Variants in CDH13 observed in about 807,000 individuals in gnomAD.
CDH13 encodes cadherin 13.
A neutral mutation model predicts 63.8 loss-of-function variants in CDH13; 24 were observed. The observed-to-expected ratio is 0.38, with a 90% CI of 0.27 to 0.53. The LOEUF is 0.53. Among genes scored for constraint, CDH13 ranks in the 20% least tolerant of loss-of-function variants. The pLI is 0.85. For missense variants in CDH13, 1,049 were observed against 903.1 expected (o/e 1.16, Z -2.07); for synonymous variants, 503 against 355.3 (o/e 1.42, Z -4.67).
chr16:82,873,506 A>G (rs891191049), intron 2 of CDH13, among the ~76,000 whole-genome samples: 2 of 152,130 alleles, frequency 1.3e-5, no homozygotes, highest in Admixed American at 6.5e-5. Context: ...GTTTCACAGG[A>G]CAGTGGTGTG....
Position 83,783,254 on chromosome 16 carries a change from A to C in CDH13, c.1916A>C (p.Asn639Thr). 2 of 1,611,698 alleles carry C rather than the reference A, an allele frequency of 1.2e-6. No individual in the cohort carries two copies. The highest frequency in any genetic ancestry group is 4.5e-5 in the East Asian group (2 of 44,874). ...DKVWKISKIN[N>T]THALVSLLQN... Reference sequence around the variant, plus strand: ...ACCAGAACCCTCCTTGCCTTTACAGATACACACGCCCTGGTAAGCCTTCTT... The same window carrying C: ...ACCAGAACCCTCCTTGCCTTTACAGCTACACACGCCCTGGTAAGCCTTCTT... Residue 639 changes from asparagine to threonine, a missense_variant and splice_region_variant, in exon 13 of 14, where the codon AAT (asparagine) becomes ACT (threonine). Coordinates refer to ENST00000567109, the MANE Select transcript of CDH13 (RefSeq NM_001257.5).
chr16:82,940,725 G>T (rs980679489), intron 2 of CDH13, among the ~76,000 whole-genome samples: 1 of 152,090 alleles, frequency 6.6e-6, no homozygotes, highest in Non-Finnish European at 1.5e-5. Flanking sequence ...GTGCTGTGTT[G>T]GCAGGCACAT....
At chr16:83,365,017 C>T (rs2091232010) in intron 6 of CDH13, among the ~76,000 whole-genome samples, 2 of 152,212 alleles carry the variant, frequency 1.3e-5, no homozygotes, top group African/African-American at 4.8e-5. Context: ...CACCATGGCA[C>T]AGGTGTACCT....
intron 11 of CDH13, among the ~76,000 whole-genome samples, chr16:83,774,694 A>T (rs903669110): frequency 2.6e-5 from 4 of 152,208 alleles, no homozygotes; most frequent in Admixed American, 2.0e-4. Flanking sequence ...TTGTGAAAAA[A>T]AAATAAAAAA....
chr16:82,803,038 G>A (rs1204282542), intron 1 of CDH13, among the ~76,000 whole-genome samples: 1 of 152,164 alleles, frequency 6.6e-6, no homozygotes, highest in African/African-American at 2.4e-5. Flanking sequence ...CTATTCTATA[G>A]TAGAAACAGT....
chr16:83,309,497 C>G (rs983074446), intron 5 of CDH13, among the ~76,000 whole-genome samples: 1 of 152,196 alleles, frequency 6.6e-6, no homozygotes, highest in African/African-American at 2.4e-5. Flanking sequence ...CTGCCTCAGC[C>G]TCCTGAGGAG....
chr16:83,195,511 G>C (rs1035437988), intron 4 of CDH13, among the ~76,000 whole-genome samples: 4 of 152,046 alleles, frequency 2.6e-5, no homozygotes, highest in African/African-American at 9.7e-5. Flanking sequence ...AGAGATGGGG[G>C]AGGTGCTATA....
intron 7 of CDH13, among the ~76,000 whole-genome samples, chr16:83,531,446 T>C (rs1332499821): frequency 1.3e-5 from 2 of 152,194 alleles, no homozygotes; most frequent in Non-Finnish European, 2.9e-5. Context: ...CTGGTGTGAT[T>C]AAGTCAAGGA....
chr16:83,426,448 G>A (rs2071897723), intron 6 of CDH13, among the ~76,000 whole-genome samples: 1 of 151,096 alleles, frequency 6.6e-6, no homozygotes, highest in African/African-American at 2.4e-5. Flanking sequence ...TCTCCTCCTG[G>A]ACCATAACCT....
At chr16:83,100,885 A>G (rs1035825555) in intron 3 of CDH13, among the ~76,000 whole-genome samples, 14 of 152,226 alleles carry the variant, frequency 9.2e-5, no homozygotes, top group Non-Finnish European at 1.6e-4. Flanking sequence ...CTTTACCACC[A>G]TAAATGGAGG....
chr16:82,640,568 C>A (rs911880273), intron 1 of CDH13, among the ~76,000 whole-genome samples: 1 of 152,124 alleles, frequency 6.6e-6, no homozygotes, highest in African/African-American at 2.4e-5. Flanking sequence ...TTTACAAACA[C>A]AAGCAGAGCT....
Position 83,683,772 on chromosome 16 carries a change from G to T in CDH13, c.1538+5311G>T, listed in dbSNP as rs531981312. Among the ~76,000 whole-genome samples the T allele has an allele frequency of 5.3e-5, 8 of 152,286 alleles. No homozygotes were observed. In the East Asian group the frequency reaches 1.3e-3, roughly 26 times the overall value. ...TTGAGCAAAAGTATTACTGTGTATTGTTAATGTTTTTTGGCATATACAGAA... is the reference window on the plus strand; with the variant it reads ...TTGAGCAAAAGTATTACTGTGTATTTTTAATGTTTTTTGGCATATACAGAA... On this transcript the variant is annotated intron_variant, in intron 10 of 13. Coordinates refer to ENST00000567109, the MANE Select transcript of CDH13 (RefSeq NM_001257.5).
intron 1 of CDH13, among the ~76,000 whole-genome samples, chr16:82,765,367 A>C (rs16958560): frequency 6.6e-6 from 1 of 152,134 alleles, no homozygotes; most frequent in Non-Finnish European, 1.5e-5. Flanking sequence ...TCTTTAGCTC[A>C]ATTCAACAAG....
intron 8 of CDH13, among the ~76,000 whole-genome samples, chr16:83,614,074 C>T (rs187389258): frequency 6.6e-5 from 10 of 152,180 alleles, no homozygotes; most frequent in East Asian, 5.8e-4. Context: ...TGGTTATAGT[C>T]GCCTGGCATA....
At chr16:82,695,022 A>T (rs944800503) in intron 1 of CDH13, among the ~76,000 whole-genome samples, 2 of 152,162 alleles carry the variant, frequency 1.3e-5, no homozygotes, top group Non-Finnish European at 2.9e-5. Flanking sequence ...GACAGGAGGC[A>T]GTGGAGGAGC....
intron 8 of CDH13, among the ~76,000 whole-genome samples, chr16:83,608,717 G>A (rs190136610): frequency 3.7e-4 from 53 of 142,428 alleles, no homozygotes; most frequent in African/African-American, 1.1e-3. Context: ...CATGTTCCTC[G>A]GGCTGGTCTT....
chr16:83,504,094 A>T (rs1249032408), intron 7 of CDH13, among the ~76,000 whole-genome samples: 1 of 152,170 alleles, frequency 6.6e-6, no homozygotes, highest in Non-Finnish European at 1.5e-5. Flanking sequence ...CACAGTCTGC[A>T]TATGTATCCC....
intron 2 of CDH13, among the ~76,000 whole-genome samples, chr16:82,939,355 G>A (rs952134801): frequency 4.0e-4 from 61 of 151,970 alleles, no homozygotes; most frequent in African/African-American, 1.4e-3. Flanking sequence ...CCAGGGAGAC[G>A]GAGGTTGCAG....
chr16:83,629,270 A>G (rs1402430184), intron 8 of CDH13, among the ~76,000 whole-genome samples: 12 of 152,248 alleles, frequency 7.9e-5, no homozygotes, highest in South Asian at 6.2e-4. Context: ...AAACTTTCTC[A>G]TAAGATTTTA....
Sources: allele counts gnomAD v4.1 joint callset (sites outside exome capture counted in the v4.1 genomes callset), GRCh38; gene constraint gnomAD v4.1.1; transcripts MANE v1.5; gene names NCBI Gene and HGNC (gene_info 2026-07-23, HGNC 2026-07-21).